The following PTPN14 variants were observed in gnomAD, a reference collection of about 807,000 sequenced individuals.
PTPN14 encodes protein tyrosine phosphatase non-receptor type 14, also known as tyrosine-protein phosphatase non-receptor type 14.
Under a neutral mutation model 126.8 loss-of-function variants are expected in PTPN14, and 53 were observed. The ratio of observed to expected loss-of-function variants is 0.42; its 90% CI spans 0.34 to 0.53. The LOEUF is 0.53. PTPN14 is among the 20% of genes least tolerant of loss of function. The pLI, the probability that PTPN14 is intolerant of heterozygous loss-of-function variation, is 0.08. For synonymous variants in PTPN14, 630 were observed against 599.3 expected, an observed-to-expected ratio of 1.05 and a Z score of -0.75; for missense variants, 1,257 against 1,552.9, an observed-to-expected ratio of 0.81 and a Z score of 3.20.
chr1:214,482,475 G>C (rs1260118952), intron 1 of PTPN14, among the ~76,000 whole-genome samples: 2 of 151,960 alleles, frequency 1.3e-5, no homozygotes, highest in Non-Finnish European at 2.9e-5. Context: ...CAACATTTTA[G>C]GTTGCACATA....
intron 1 of PTPN14, among the ~76,000 whole-genome samples, chr1:214,469,898 G>A (rs974288597): frequency 1.3e-5 from 2 of 151,870 alleles, no homozygotes; most frequent in African/African-American, 4.8e-5. Context: ...CCCAAAAATC[G>A]AGTCTATTTT....
intron 16 of PTPN14, among the ~76,000 whole-genome samples, chr1:214,370,719 C>T (rs575098886): frequency 6.6e-6 from 1 of 152,260 alleles, no homozygotes; most frequent in South Asian, 2.1e-4. Flanking sequence ...TATGTTTCAG[C>T]TTTGCACCGT....
At chr1:214,446,179 A>G (rs1660137554) in intron 3 of PTPN14, among the ~76,000 whole-genome samples, 1 of 152,216 alleles carries the variant, frequency 6.6e-6, no homozygotes, top group Non-Finnish European at 1.5e-5. Context: ...CTATGGTTTC[A>G]TGACTCATCC....
chr1:214,438,379 G>T (rs6698661), intron 3 of PTPN14, among the ~76,000 whole-genome samples: 12,377 of 152,078 alleles, frequency 0.081, 1,714 homozygotes, highest in African/African-American at 0.28. Flanking sequence ...CCCTCATATG[G>T]GACTGGAATG....
intron 3 of PTPN14, among the ~76,000 whole-genome samples, chr1:214,450,301 G>A (rs1033912822): frequency 7.3e-5 from 11 of 151,350 alleles, no homozygotes; most frequent in Admixed American, 4.6e-4. Flanking sequence ...GTGAAACCCC[G>A]TCTCTACCAT....
At chr1:214,463,716 C>A (rs916652825) in intron 2 of PTPN14, among the ~76,000 whole-genome samples, 2 of 152,192 alleles carry the variant, frequency 1.3e-5, no homozygotes, top group African/African-American at 2.4e-5. Flanking sequence ...GCAATGCTGT[C>A]ACTTGGACTC....
At chr1:214,460,554 C>CACAG (rs1491034104) in intron 2 of PTPN14, among the ~76,000 whole-genome samples, 4 of 149,844 alleles carry the variant, frequency 2.7e-5, no homozygotes, top group African/African-American at 9.8e-5. Flanking sequence ...CACACACACA[C>CACAG]AGATCAGTGC....
intron 1 of PTPN14, chr1:214,528,312 A>G (rs1655453204): frequency 6.6e-6 from 1 of 152,222 alleles, no homozygotes; most frequent in Non-Finnish European, 1.5e-5. Context: ...TAGTAGCCAA[A>G]CAAACACCTG....
intron 1 of PTPN14, among the ~76,000 whole-genome samples, chr1:214,519,079 G>C (rs1432378833): frequency 4.6e-5 from 7 of 152,112 alleles, no homozygotes; most frequent in Admixed American, 3.3e-4. Flanking sequence ...GACCAGCCTG[G>C]CCAACATGGT....
At chr1:214,535,044 G>T (rs1655668107) in intron 1 of PTPN14, among the ~76,000 whole-genome samples, 1 of 151,670 alleles carries the variant, frequency 6.6e-6, no homozygotes, top group African/African-American at 2.4e-5. Flanking sequence ...ACATATATTT[G>T]AAAAAAGGTC....
rs534403273 is a variant in PTPN14 at position 214,351,860 on chromosome 1, T to A, written c.*6062A>T. On this transcript the variant is annotated 3_prime_UTR_variant, in exon 19 of 19. Transcript: ENST00000366956. ...AGGGAGTAGGAGAGGCATTCCAGAG[T>A]TCAGAAAATTATTTGTGAAACAGAG... is the stretch of plus-strand genomic sequence containing the variant. 6.6e-6 allele frequency: 1 copy of A among 152,068 alleles called. No individual in the cohort carries two copies. Among genetic ancestry groups the A allele is most frequent in the Non-Finnish European group, 1.5e-5 (1 of 68,012 alleles). The allele number at this position is 152,068 out of a possible 1,614,324, so 9.4% of individuals were successfully genotyped here. A position where few individuals can be genotyped will look rare whatever the true frequency, so the allele number is the denominator to read the frequency against.
intron 3 of PTPN14, among the ~76,000 whole-genome samples, chr1:214,427,930 T>C (rs190158128): frequency 6.6e-6 from 1 of 151,914 alleles, no homozygotes; most frequent in Non-Finnish European, 1.5e-5. Flanking sequence ...TAGCAAAGAG[T>C]GAGCAAGAGG....
At position 214,477,584 on chromosome 1, in the gene PTPN14, A is replaced by AC. The variant is rs763050915; in HGVS notation, c.-154-12628_-154-12627insG. ...AAAAATAATTTGTTAGCATACTATC[A>AC]TTCCTGTTACCATCGGTGACCTCAA... On this transcript the variant is annotated intron_variant, in intron 1 of 18. Transcript: ENST00000366956. Among the ~76,000 whole-genome samples the AC allele has an allele frequency of 1.4e-4, 21 of 152,278 alleles. No individual in the cohort carries two copies. The East Asian group carries it at 1.9e-3, about 14-fold the overall frequency.
intron 1 of PTPN14, among the ~76,000 whole-genome samples, chr1:214,519,677 G>T (rs1418665114): frequency 6.6e-6 from 1 of 152,072 alleles, no homozygotes; most frequent in African/African-American, 2.4e-5. Flanking sequence ...TTACATGAAA[G>T]TTCTTTCAAA....
chr1:214,380,363 T>A (rs12411265), intron 13 of PTPN14, among the ~76,000 whole-genome samples: 323 of 152,290 alleles, frequency 2.1e-3, no homozygotes, highest in Middle Eastern at 6.8e-3. Flanking sequence ...TAAATCAAAG[T>A]ATGTCTCTTT....
At chr1:214,436,052 A>C (rs1659906458) in intron 3 of PTPN14, among the ~76,000 whole-genome samples, 1 of 152,222 alleles carries the variant, frequency 6.6e-6, no homozygotes, top group South Asian at 2.1e-4. Context: ...ACCATGGAAT[A>C]CTATGCAGCC....
chr1:214,458,767 G>A (rs995075548), intron 2 of PTPN14, among the ~76,000 whole-genome samples: 2 of 152,120 alleles, frequency 1.3e-5, no homozygotes, highest in Non-Finnish European at 2.9e-5. Flanking sequence ...AGGCACCATT[G>A]TTTTAGCTCT....
rs1425200618 is a variant in PTPN14, at chr1:214,441,314, G to C, written c.344+10491C>G. On this transcript the variant is annotated intron_variant, in intron 3 of 18. Transcript: ENST00000366956. ...GTTACATTATATCCGGTGATGGAAC[G>C]CAACTACATTTTTCCACAGAACCAC... Among the ~76,000 whole-genome samples the C allele has an allele frequency of 3.9e-5, 6 of 152,278 alleles. No homozygotes were observed. In the East Asian group the frequency reaches 1.2e-3, roughly 29 times the overall value.
Position 214,384,632 on chromosome 1 carries a change from G to T in PTPN14, c.1223C>A (p.Pro408His). Residue 408 changes from proline to histidine, a missense_variant, in exon 13 of 19, where the codon CCT becomes CAT. Transcript: ENST00000366956. This position sits in a 1 kb window ranked among gnomAD's most constrained non-coding sequence, Gnocchi z 5.3. ...NCSQSFIQAS[P>H]VSSNLSIPGS... ...AGGGATACTGAGGTTGGAGGATACA[G>T]GGGAGGCCTGGATGAAACTTTGCGA... 6.2e-7 allele frequency: 1 copy of T among 1,614,184 alleles called. No individual in the cohort carries two copies. Among genetic ancestry groups the T allele is most frequent in the Non-Finnish European group, 8.5e-7 (1 of 1,180,040 alleles).
Sources: gnomAD v4.1 joint callset for allele counts (sites outside exome capture counted in the v4.1 genomes callset) on GRCh38, gnomAD v4.1.1 for gene constraint, Gnocchi (gnomAD v3.1) non-coding constraint, MANE v1.5 for transcripts, NCBI Gene and HGNC (gene_info 2026-07-23, HGNC 2026-07-21) for gene names.